Variants in RBFOX3 observed in about 807,000 individuals in gnomAD.
The protein encoded by RBFOX3 is RNA binding fox-1 homolog 3, also known as RNA binding protein fox-1 homolog 3.
A neutral mutation model predicts 48.7 loss-of-function variants in RBFOX3; 17 were observed. The ratio of observed to expected loss-of-function variants is 0.35; its 90% CI spans 0.24 to 0.52. The LOEUF is 0.52. Among genes scored for constraint, RBFOX3 ranks in the 20% least tolerant of loss-of-function variants. The probability of loss-of-function intolerance (pLI) is 0.94; values close to 1 mark genes in which losing one functional copy is unlikely to be tolerated. For synonymous variants in RBFOX3, 212 were observed against 209.5 expected (o/e 1.01, Z -0.10); for missense variants, 382 against 497.5 (o/e 0.77, Z 2.21).
chr17:79,102,230 C>T (rs983360310), intron 8 of RBFOX3, among the ~76,000 whole-genome samples: 1 of 152,210 alleles, frequency 6.6e-6, no homozygotes, highest in Non-Finnish European at 1.5e-5. Context: ...GTGAGGCTGT[C>T]CAGGGGCAGC....
In RBFOX3 at chr17:79,315,626, T is replaced by C. The variant is rs183862367; in HGVS notation, c.-174-7802A>G. 1.6e-3 allele frequency among the ~76,000 whole-genome samples: 241 copies of C among 152,298 alleles called. 1 individual carries two copies. The highest frequency in any genetic ancestry group is 5.6e-3 in the African/African-American group (233 of 41,568). On this transcript the variant is annotated intron_variant, in intron 2 of 14. Coordinates refer to ENST00000693108, the MANE Select transcript of RBFOX3 (RefSeq NM_001350451.2). ...TTACACTTTCAGTGTTACAAGCTCA[T>C]AAAAGCCACGTGATCAAATTCCAGG...
chr17:79,618,520 G>C, the RBFOX3 span, among the ~76,000 whole-genome samples: 1 of 152,204 alleles, frequency 6.6e-6, no homozygotes, highest in African/African-American at 2.4e-5. Context: ...TGCTCAGCTT[G>C]TTCTGCAGAA....
intron 1 of RBFOX3, among the ~76,000 whole-genome samples, chr17:79,554,163 G>A (rs2091403502): frequency 6.6e-6 from 1 of 152,056 alleles, no homozygotes; most frequent in Non-Finnish European, 1.5e-5. Context: ...TTCATTAATG[G>A]CTTCCTTCTA....
At chr17:79,453,026 G>A (rs1194785986) in intron 2 of RBFOX3, among the ~76,000 whole-genome samples, 5 of 152,222 alleles carry the variant, frequency 3.3e-5, no homozygotes, top group Non-Finnish European at 7.3e-5. Flanking sequence ...TTACCCATCT[G>A]TGGAATGGGG....
intron 1 of RBFOX3, among the ~76,000 whole-genome samples, chr17:79,559,572 T>G (rs2092037467): frequency 8.7e-6 from 1 of 114,524 alleles, no homozygotes; most frequent in African/African-American, 3.4e-5. Context: ...GACAGATGGG[T>G]GAGTGGGTGG....
the RBFOX3 span, among the ~76,000 whole-genome samples, chr17:79,617,874 C>T: frequency 1.1e-4 from 17 of 152,350 alleles, no homozygotes; most frequent in African/African-American, 3.1e-4. Flanking sequence ...CTGCCTACTG[C>T]GCCAGCCCCA....
intron 5 of RBFOX3, among the ~76,000 whole-genome samples, chr17:79,114,991 G>A (rs1050006468): frequency 6.6e-6 from 1 of 152,218 alleles, no homozygotes. Flanking sequence ...CTATCTGATT[G>A]GAGGCCAGCC....
At chr17:79,386,683 C>G (rs1016118381) in intron 2 of RBFOX3, among the ~76,000 whole-genome samples, 1 of 152,236 alleles carries the variant, frequency 6.6e-6, no homozygotes, top group African/African-American at 2.4e-5. Flanking sequence ...CTTCCCCACC[C>G]GACATCTTGG....
chr17:79,491,199 C>G (rs1233630599), intron 1 of RBFOX3, among the ~76,000 whole-genome samples: 4 of 80,118 alleles, frequency 5.0e-5, no homozygotes, highest in South Asian at 4.7e-4. Context: ...GAGAGGAGGG[C>G]AGGTGCAGAG....
intron 2 of RBFOX3, among the ~76,000 whole-genome samples, chr17:79,313,261 A>G (rs954402323): frequency 6.6e-6 from 1 of 152,050 alleles, no homozygotes; most frequent in Non-Finnish European, 1.5e-5. Context: ...GGGCTGGGGG[A>G]GGCTCGACCT....
At chr17:79,521,247 C>T (rs1344403590) in intron 1 of RBFOX3, among the ~76,000 whole-genome samples, 1 of 150,886 alleles carries the variant, frequency 6.6e-6, no homozygotes, top group Non-Finnish European at 1.5e-5. Flanking sequence ...CATGCCCAGG[C>T]ACACACACAC....
chr17:79,095,794 T>A (rs937271092), intron 12 of RBFOX3, among the ~76,000 whole-genome samples: 2 of 152,172 alleles, frequency 1.3e-5, no homozygotes, highest in African/African-American at 4.8e-5. Context: ...GATGGCTAGG[T>A]GGCACAGTTC....
chr17:79,579,365 G>A (rs1350291609), intron 1 of RBFOX3, among the ~76,000 whole-genome samples: 5 of 152,164 alleles, frequency 3.3e-5, no homozygotes, highest in African/African-American at 1.2e-4. Context: ...CACATCAGCC[G>A]GTTTGCTCCC....
rs999486910 is a variant in RBFOX3 at position 79,214,948 on chromosome 17, G to A, written c.-34+20818C>T. The stretch of plus-strand genomic sequence containing the variant: ...GGAGACGTTCTGCCTTGGCATCTTC[G>A]CCTGGTGCCGGTCAATTATGAAGCC... On this transcript the variant is annotated intron_variant, in intron 4 of 14. Transcript: ENST00000693108. This position sits in a 1 kb window ranked among gnomAD's most constrained non-coding sequence, Gnocchi z 4.7. 7.2e-5 allele frequency among the ~76,000 whole-genome samples: 11 copies of A among 152,228 alleles called. No individual in the cohort carries two copies. Among genetic ancestry groups the A allele is most frequent in the Admixed American group, 2.6e-4 (4 of 15,296 alleles).
intron 2 of RBFOX3, among the ~76,000 whole-genome samples, chr17:79,388,484 A>G (rs916399886): frequency 3.9e-5 from 6 of 152,154 alleles, no homozygotes; most frequent in Non-Finnish European, 8.8e-5. Flanking sequence ...ATGCCTTCCC[A>G]CCTGCATGCG....
In RBFOX3 at chr17:79,199,800, C is replaced by T. The variant is rs975157284; in HGVS notation, c.-34+35966G>A. Among the ~76,000 whole-genome samples the T allele has an allele frequency of 6.6e-6, 1 of 152,180 alleles. No individual in the cohort carries two copies. Among genetic ancestry groups the T allele is most frequent in the African/African-American group, 2.4e-5 (1 of 41,448 alleles). ...AACCCACCCTGATGCTCCAGTCTGT[C>T]AGGAGAGTGTCTATTCTACAGTACC... On this transcript the variant is annotated intron_variant, in intron 4 of 14. Transcript: ENST00000693108. The surrounding 1 kb of genome is among the most constrained non-coding windows in gnomAD (Gnocchi z 5.1).
the RBFOX3 span, among the ~76,000 whole-genome samples, chr17:79,628,154 A>G: frequency 6.6e-6 from 1 of 151,554 alleles, no homozygotes; most frequent in African/African-American, 2.4e-5. Context: ...CCAAACAAAC[A>G]GGTGTGCTGA....
At chr17:79,513,025 A>C (rs1248140042) in intron 1 of RBFOX3, among the ~76,000 whole-genome samples, 1 of 150,240 alleles carries the variant, frequency 6.7e-6, no homozygotes, top group Non-Finnish European at 1.5e-5. Context: ...ACCCACCCGG[A>C]TACGTGTTAC....
chr17:79,161,061 C>G (rs1221339910), intron 4 of RBFOX3, among the ~76,000 whole-genome samples: 1 of 151,916 alleles, frequency 6.6e-6, no homozygotes, highest in East Asian at 1.9e-4. Flanking sequence ...AGGAAGATGT[C>G]TATCTGGTTT....
Sources: allele counts gnomAD v4.1 joint callset (sites outside exome capture counted in the v4.1 genomes callset), GRCh38; gene constraint gnomAD v4.1.1; non-coding constraint Gnocchi (gnomAD v3.1); transcripts MANE v1.5; gene names NCBI Gene and HGNC (gene_info 2026-07-23, HGNC 2026-07-21).